Variants in MTA3 observed in about 807,000 individuals in gnomAD.
The protein encoded by MTA3 is metastasis-associated protein MTA3.
MTA3 carries 34 observed loss-of-function variants against 83.5 expected under a neutral mutation model. The observed-to-expected ratio is 0.41, with a 90% confidence interval of 0.31 to 0.54. The LOEUF (loss-of-function observed/expected upper bound fraction) is 0.54. MTA3 is among the 20% of genes least tolerant of loss of function. MTA3 has a pLI of 0.33. For synonymous variants in MTA3, 303 were observed against 252.7 expected, an observed-to-expected ratio of 1.20 and a Z score of -1.89; for missense variants, 761 against 726.4, an observed-to-expected ratio of 1.05 and a Z score of -0.55.
chr2:42,678,520 A>G (rs1691585056), intron 8 of MTA3, among the ~76,000 whole-genome samples: 1 of 151,826 alleles, frequency 6.6e-6, no homozygotes, highest in South Asian at 2.1e-4. Context: ...GTAGAGACAG[A>G]GTTTCACCAT....
chr2:42,607,120 A>G (rs1683562860), intron 3 of MTA3, among the ~76,000 whole-genome samples: 1 of 152,016 alleles, frequency 6.6e-6, no homozygotes, highest in African/African-American at 2.4e-5. Context: ...AGAGGTAGGT[A>G]GAGGTAGAGG....
chr2:42,621,360 C>G (rs1364499271), intron 4 of MTA3, among the ~76,000 whole-genome samples: 3 of 152,174 alleles, frequency 2.0e-5, no homozygotes, highest in African/African-American at 7.2e-5. Flanking sequence ...CTTCAAGCAT[C>G]TGTTTAACAA....
At chr2:42,589,394 T>G (rs1423647007) in intron 3 of MTA3, among the ~76,000 whole-genome samples, 1 of 152,202 alleles carries the variant, frequency 6.6e-6, no homozygotes, top group Non-Finnish European at 1.5e-5. Flanking sequence ...TTTGTTCAGT[T>G]GTGGAAAATT....
chr2:42,504,587 G>T (rs915052905), intron 2 of MTA3, among the ~76,000 whole-genome samples: 3 of 151,772 alleles, frequency 2.0e-5, no homozygotes. Context: ...GGGACATGTC[G>T]CTCCTGTGTC....
intron 2 of MTA3, among the ~76,000 whole-genome samples, chr2:42,500,473 G>A (rs540579315): frequency 1.1e-4 from 17 of 152,094 alleles, no homozygotes; most frequent in African/African-American, 3.6e-4. Context: ...CAGGAGAATC[G>A]CTTAAACCTG....
At chr2:42,567,901 C>A (rs1353289799), upstream of MTA3, 1 of 152,292 alleles carries the variant, frequency 6.6e-6, no homozygotes. Context: ...ACAGGCCCTG[C>A]ATATACAGTG....
chr2:42,531,557 A>G (rs775257729), intron 2 of MTA3, among the ~76,000 whole-genome samples: 1 of 148,512 alleles, frequency 6.7e-6, no homozygotes, highest in Non-Finnish European at 1.5e-5. Flanking sequence ...GGTTCAAGCA[A>G]TTCTCCTGCC....
chr2:42,616,874 C>G (rs1274024166), intron 4 of MTA3, among the ~76,000 whole-genome samples: 1 of 152,130 alleles, frequency 6.6e-6, no homozygotes, highest in Non-Finnish European at 1.5e-5. Flanking sequence ...CGTGAGCCAT[C>G]GTGCCTAGCT....
intron 4 of MTA3, among the ~76,000 whole-genome samples, chr2:42,627,055 A>G (rs1022139574): frequency 2.6e-5 from 4 of 152,010 alleles, no homozygotes; most frequent in East Asian, 3.9e-4. Flanking sequence ...CCCTTTATAC[A>G]TATTTTGGGC....
chr2:42,673,049 G>T (rs1690978908), intron 8 of MTA3, among the ~76,000 whole-genome samples: 1 of 151,786 alleles, frequency 6.6e-6, no homozygotes, highest in African/African-American at 2.4e-5. Context: ...GTTTTGCCAT[G>T]TTGACCAGGC....
At chr2:42,607,238 G>C (rs1273693603) in intron 3 of MTA3, among the ~76,000 whole-genome samples, 1 of 152,184 alleles carries the variant, frequency 6.6e-6, no homozygotes, top group Non-Finnish European at 1.5e-5. Context: ...AGTGAAATCA[G>C]TTAACTGTAG....
chr2:42,701,706 A>G (rs980283938), intron 11 of MTA3, among the ~76,000 whole-genome samples: 7 of 152,140 alleles, frequency 4.6e-5, no homozygotes. Flanking sequence ...ACCTGAGGTC[A>G]GGAATTTGAG....
At chr2:42,505,406 A>G (rs1286754393) in intron 2 of MTA3, among the ~76,000 whole-genome samples, 1 of 152,008 alleles carries the variant, frequency 6.6e-6, no homozygotes, top group Non-Finnish European at 1.5e-5. Context: ...ACAAAAAAAA[A>G]GGAGATGAGA....
At chr2:42,687,011 C>T (rs1303304254) in intron 9 of MTA3, among the ~76,000 whole-genome samples, 1 of 151,604 alleles carries the variant, frequency 6.6e-6, no homozygotes, top group African/African-American at 2.4e-5. Context: ...CCTATAATAC[C>T]AGCTACTCAG....
At chr2:42,747,987 A>T (rs570282820) in intron 16 of MTA3, among the ~76,000 whole-genome samples, 1 of 150,832 alleles carries the variant, frequency 6.6e-6, no homozygotes, top group East Asian at 2.0e-4. Context: ...GTGACCACTG[A>T]TTTGTTTTTT....
In MTA3 at chr2:42,755,085, C is replaced by T; in HGVS notation, c.*1686C>T. 1.0e-6 allele frequency: 1 copy of T among 985,490 alleles called. No individual in the cohort carries two copies. Among genetic ancestry groups the T allele is most frequent in the Non-Finnish European group, 1.2e-6 (1 of 830,048 alleles). The allele number at this position is 985,490 out of a possible 1,614,324, so 61.0% of individuals were successfully genotyped here. A position where few individuals can be genotyped will look rare whatever the true frequency, so the allele number is the denominator to read the frequency against. On this transcript the variant is annotated 3_prime_UTR_variant, in exon 17 of 17. Transcript: ENST00000405094. Reference sequence around the variant, plus strand: ...GGAGGTGGCAGGCAGGGGTTCTCCTCAGGGTTCCCACTGAGGGGTCCCTTC... The same window carrying T: ...GGAGGTGGCAGGCAGGGGTTCTCCTTAGGGTTCCCACTGAGGGGTCCCTTC...
At chr2:42,648,511 T>C (rs1167040971) in intron 6 of MTA3, among the ~76,000 whole-genome samples, 1 of 152,252 alleles carries the variant, frequency 6.6e-6, no homozygotes, top group African/African-American at 2.4e-5. Context: ...TGAACATGTC[T>C]TGATGGATAG....
At chr2:42,643,763 G>C (rs933521072) in intron 5 of MTA3, among the ~76,000 whole-genome samples, 1 of 152,160 alleles carries the variant, frequency 6.6e-6, no homozygotes, top group African/African-American at 2.4e-5. Flanking sequence ...GTTTGGTGTG[G>C]ACTTCAGAAG....
Position 42,754,909 on chromosome 2 carries a change from T to G in MTA3, c.*1510T>G. ...GGGCGGTTTTGCAGACATCTCAGCT[T>G]CTTTTCTGAGGAGGAGTTGGTTCTC... On this transcript the variant is annotated 3_prime_UTR_variant, in exon 17 of 17. Transcript: ENST00000405094. 1 of 985,584 alleles carries G rather than the reference T, an allele frequency of 1.0e-6. No homozygotes were observed. The highest frequency in any genetic ancestry group is 1.2e-6 in the Non-Finnish European group (1 of 830,074). The allele number at this position is 985,584 out of a possible 1,614,324, so 61.1% of individuals were successfully genotyped here. A position where few individuals can be genotyped will look rare whatever the true frequency, so the allele number is the denominator to read the frequency against.
Sources: gnomAD v4.1 joint callset for allele counts (sites outside exome capture counted in the v4.1 genomes callset) on GRCh38, gnomAD v4.1.1 for gene constraint, MANE v1.5 for transcripts, NCBI Gene and HGNC (gene_info 2026-07-23, HGNC 2026-07-21) for gene names.